The following PIP5KL1 variants were observed in gnomAD, a reference collection of about 807,000 sequenced individuals.
PIP5KL1 encodes phosphatidylinositol 4-phosphate 5-kinase-like protein 1.
Under a neutral mutation model 47.6 loss-of-function variants are expected in PIP5KL1, and 45 were observed. That is an observed-to-expected ratio of 0.94 (90% confidence interval 0.74 to 1.21). The LOEUF (loss-of-function observed/expected upper bound fraction) is 1.21. Among genes scored for constraint, PIP5KL1 ranks in the 50% most tolerant of loss-of-function variants. The pLI, the probability that PIP5KL1 is intolerant of heterozygous loss-of-function variation, is 0.00. For missense variants in PIP5KL1, 577 were observed against 547.6 expected (o/e 1.05, Z -0.54); for synonymous variants, 256 against 234.6 (o/e 1.09, Z -0.84).
chr9:127,927,110 G>C lies in PIP5KL1; in HGVS notation c.650+43C>G. Reference sequence around the variant, plus strand: ...TGAGTGTGGGTGCTTCGGGCCGCGAGTTTCGGCTGGGATGGGGGCCCAAAC... The same window carrying C: ...TGAGTGTGGGTGCTTCGGGCCGCGACTTTCGGCTGGGATGGGGGCCCAAAC... On this transcript the variant is annotated intron_variant, in intron 7 of 9. Transcript: ENST00000388747. The surrounding 1 kb of genome is among the most constrained non-coding windows in gnomAD (Gnocchi z 5.5). 6.4e-7 allele frequency: 1 copy of C among 1,563,966 alleles called. No homozygotes were observed. Among genetic ancestry groups the C allele is most frequent in the Admixed American group, 1.8e-5 (1 of 55,112 alleles).
chr9:127,929,385 T>G lies in PIP5KL1; in HGVS notation c.228+303A>C, dbSNP rs1228529054. Among the ~76,000 whole-genome samples, 1 of 151,914 alleles carries G rather than the reference T, an allele frequency of 6.6e-6. No homozygotes were observed. The highest frequency in any genetic ancestry group is 2.4e-5 in the African/African-American group (1 of 41,334). On this transcript the variant is annotated intron_variant, in intron 2 of 9. Transcript: ENST00000388747. This position sits in a 1 kb window ranked among gnomAD's most constrained non-coding sequence, Gnocchi z 4.0. ...TTTCAACCATATACCCTGGCAGGGC[T>G]GGGAGGGCCTCAGAAACCAAGGAGT...
intron 9 of PIP5KL1, among the ~76,000 whole-genome samples, chr9:127,922,990 G>A (rs1368359450): frequency 2.0e-5 from 3 of 152,196 alleles, no homozygotes; most frequent in Non-Finnish European, 4.4e-5. Context: ...CATGACTTCA[G>A]GTAAGTCTAT....
At chr9:127,928,881 G>T (rs752350535) in intron 2 of PIP5KL1, 115 of 235,826 alleles carry the variant, frequency 4.9e-4, no homozygotes, top group Middle Eastern at 1.5e-3. Context: ...AGCCTTCCTG[G>T]GGGTGGAGAC....
chr9:127,930,372 G>T (rs1831419026), intron 1 of PIP5KL1, among the ~76,000 whole-genome samples: 1 of 152,204 alleles, frequency 6.6e-6, no homozygotes, highest in Non-Finnish European at 1.5e-5. Context: ...CTCCAGGCCA[G>T]CACGGAGGGG....
intron 1 of PIP5KL1, 90 bp downstream of exon 1, chr9:127,930,633 G>C (rs1185746201): frequency 7.1e-7 from 1 of 1,405,594 alleles, no homozygotes; most frequent in African/African-American, 1.5e-5. Flanking sequence ...AGGCTTGGAT[G>C]GGGGCGTGTC....
intron 9 of PIP5KL1, among the ~76,000 whole-genome samples, chr9:127,924,889 C>T (rs894291610): frequency 2.6e-5 from 4 of 152,024 alleles, no homozygotes; most frequent in Non-Finnish European, 4.4e-5. Flanking sequence ...CACACACACG[C>T]ACACATGCAC....
intron 9 of PIP5KL1, among the ~76,000 whole-genome samples, chr9:127,922,422 G>C (rs1413392661): frequency 2.6e-5 from 4 of 152,204 alleles, no homozygotes; most frequent in African/African-American, 4.8e-5. Flanking sequence ...GTAAGGCTGG[G>C]CGCAGTGGCT....
At chr9:127,930,421 G>A (rs1320756468) in intron 1 of PIP5KL1, among the ~76,000 whole-genome samples, 1 of 152,244 alleles carries the variant, frequency 6.6e-6, no homozygotes, top group Non-Finnish European at 1.5e-5. Context: ...CCCACCAGTA[G>A]TGGGCATCCA....
Position 127,927,676 on chromosome 9 carries a change from G to GT in PIP5KL1, c.530dup (p.His177GlnfsTer43). On this transcript the variant is annotated frameshift_variant, in exon 5 of 10. Coordinates refer to ENST00000388747, the MANE Select transcript of PIP5KL1 (RefSeq NM_001135219.2). LOFTEE classifies it high-confidence loss of function. This position sits in a 1 kb window ranked among gnomAD's most constrained non-coding sequence, Gnocchi z 5.5. ...GCAACCGCGCCAGCAGCGAGTGCGG[G>GT]TGCCGCTGCAGGTGCTGCACGTAGC... 1 of 1,542,990 alleles carries GT rather than the reference G, an allele frequency of 6.5e-7. No individual in the cohort carries two copies. Among genetic ancestry groups the GT allele is most frequent in the Non-Finnish European group, 8.7e-7 (1 of 1,146,244 alleles).
Position 127,927,543 on chromosome 9 carries a change from C to T in PIP5KL1, c.559+105G>A, listed in dbSNP as rs1831381127. The T allele has an allele frequency of 3.8e-6, 5 of 1,324,478 alleles. No individual in the cohort carries two copies. Among genetic ancestry groups the T allele is most frequent in the African/African-American group, 1.5e-5 (1 of 65,168 alleles). 82.0% of individuals were successfully genotyped at this position (1,324,478 alleles called of 1,614,324 possible). On this transcript the variant is annotated intron_variant, in intron 5 of 9. Coordinates refer to ENST00000388747, the MANE Select transcript of PIP5KL1 (RefSeq NM_001135219.2). This position sits in a 1 kb window ranked among gnomAD's most constrained non-coding sequence, Gnocchi z 5.5. ...CGTATGGCCCCACCCCCATGCCCTACAACCCCAAATCCGCCCATTTGGGCC... is the reference window on the plus strand; with the variant it reads ...CGTATGGCCCCACCCCCATGCCCTATAACCCCAAATCCGCCCATTTGGGCC...
In PIP5KL1 at chr9:127,929,413, A is replaced by C. The variant is rs1340937612; in HGVS notation, c.228+275T>G. ...GAGGGCCTCAGAAACCAAGGAGTAT[A>C]ATCTCCCCCCATTATACAGATGGGG... On this transcript the variant is annotated intron_variant, in intron 2 of 9. Coordinates refer to ENST00000388747, the MANE Select transcript of PIP5KL1 (RefSeq NM_001135219.2). This position sits in a 1 kb window ranked among gnomAD's most constrained non-coding sequence, Gnocchi z 4.0. Among the ~76,000 whole-genome samples, 1 of 151,920 alleles carries C rather than the reference A, an allele frequency of 6.6e-6. No homozygotes were observed. The highest frequency in any genetic ancestry group is 6.6e-5 in the Admixed American group (1 of 15,256).
intron 7 of PIP5KL1, 87 bp from the exon 8 acceptor site, chr9:127,926,066 C>A: frequency 1.2e-6 from 1 of 862,534 alleles, no homozygotes; most frequent in Non-Finnish European, 1.8e-6. Context: ...CTTATGTGCA[C>A]TGAACTATTA....
At chr9:127,928,573 C>G (rs1588685774) in intron 2 of PIP5KL1, 90 bp from the exon 3 acceptor site, 1 of 1,300,316 alleles carries the variant, frequency 7.7e-7, no homozygotes, top group Admixed American at 2.7e-5. Flanking sequence ...TGGCCCGTCC[C>G]CCACCTCCTC....
chr9:127,926,063 G>T, intron 7 of PIP5KL1, 84 bp from the exon 8 acceptor site: 2 of 871,008 alleles, frequency 2.3e-6, no homozygotes, highest in Non-Finnish European at 1.8e-6. Context: ...CTACTTATGT[G>T]CACTGAACTA....
At position 127,927,464 on chromosome 9, in the gene PIP5KL1, G is replaced by A; in HGVS notation, c.560-133C>T. ...ACCTGGACCCTTCCTTGGCTGGTCC[G>A]GATCCCGACCCGATCCCACCCCTAA... On this transcript the variant is annotated intron_variant, in intron 5 of 9. Transcript: ENST00000388747. The surrounding 1 kb of genome is among the most constrained non-coding windows in gnomAD (Gnocchi z 5.5). 1.4e-6 allele frequency: 2 copies of A among 1,477,278 alleles called. No individual in the cohort carries two copies. Among genetic ancestry groups the A allele is most frequent in the Non-Finnish European group, 1.8e-6 (2 of 1,115,262 alleles). 91.5% of individuals were successfully genotyped at this position (1,477,278 alleles called of 1,614,324 possible). A position where few individuals can be genotyped will look rare whatever the true frequency, so the allele number is the denominator to read the frequency against.
chr9:127,928,039 C>G (rs1831388504), intron 4 of PIP5KL1, 26 bp downstream of exon 4: 2 of 1,518,708 alleles, frequency 1.3e-6, no homozygotes, highest in South Asian at 2.6e-5. Context: ...ACTCCCACCC[C>G]TGCCCCACCC....
intron 9 of PIP5KL1, among the ~76,000 whole-genome samples, chr9:127,923,303 T>A (rs943959743): frequency 5.9e-5 from 9 of 151,346 alleles, no homozygotes; most frequent in African/African-American, 2.2e-4. Context: ...CAGAGCTCAG[T>A]GGTCTGAGAG....
At position 127,925,984 on chromosome 9, in the gene PIP5KL1, G is replaced by C; in HGVS notation, c.651-5C>G. The C allele has an allele frequency of 6.2e-7, 1 of 1,602,268 alleles. No homozygotes were observed. The highest frequency in any genetic ancestry group is 1.7e-5 in the Admixed American group (1 of 59,314). ...TCGCAGCCTTTGATGTCATACCTGG[G>C]TGGGGGGACAGAATTCAGCTTTACA... On this transcript the variant is annotated splice_region_variant and splice_polypyrimidine_tract_variant and intron_variant, in intron 7 of 9. Coordinates refer to ENST00000388747, the MANE Select transcript of PIP5KL1 (RefSeq NM_001135219.2).
Position 127,929,718 on chromosome 9 carries a change from G to T in PIP5KL1, c.198C>A (p.Ala66=). 6.3e-7 allele frequency: 1 copy of T among 1,584,002 alleles called. No individual in the cohort carries two copies. The highest frequency in any genetic ancestry group is 8.6e-7 in the Non-Finnish European group (1 of 1,163,604). Residue 66 remains alanine (A), a synonymous_variant, in exon 2 of 10, where the codon GCC becomes GCA. Transcript: ENST00000388747. This position sits in a 1 kb window ranked among gnomAD's most constrained non-coding sequence, Gnocchi z 4.0. ...GTGGGTGGTCCATGGAGACCTGGGT[G>T]GCAGCCCACAGCCCTGCCTGCATCA... ...TCMMQAGLWA[A]TQVSMDHPPT... is the part of the protein sequence containing the mutation.
Sources: allele counts gnomAD v4.1 joint callset (sites outside exome capture counted in the v4.1 genomes callset), GRCh38; gene constraint gnomAD v4.1.1; non-coding constraint Gnocchi (gnomAD v3.1); transcripts MANE v1.5; gene names NCBI Gene and HGNC (gene_info 2026-07-23, HGNC 2026-07-21).